Variants in SLC7A11 observed in about 807,000 individuals in gnomAD.
The protein encoded by SLC7A11 is cystine/glutamate transporter.
A neutral mutation model predicts 54.5 loss-of-function variants in SLC7A11; 35 were observed. The ratio of observed to expected loss-of-function variants is 0.64; its 90% CI spans 0.49 to 0.85. The LOEUF is 0.85. SLC7A11 is among the 40% of genes least tolerant of loss of function. The probability of loss-of-function intolerance (pLI) is 0.00; values close to 1 mark genes in which losing one functional copy is unlikely to be tolerated. For synonymous variants in SLC7A11, 230 were observed against 225.2 expected (o/e 1.02, Z -0.19); for missense variants, 583 against 618.1 (o/e 0.94, Z 0.60).
chr4:138,234,343 G>A (rs1477969818), intron 2 of SLC7A11, among the ~76,000 whole-genome samples: 2 of 152,098 alleles, frequency 1.3e-5, no homozygotes, highest in African/African-American at 4.8e-5. Flanking sequence ...ATTTTAATGG[G>A]AAGTACTTAG....
At chr4:138,213,994 A>C (rs955043313) in intron 6 of SLC7A11, among the ~76,000 whole-genome samples, 1 of 151,958 alleles carries the variant, frequency 6.6e-6, no homozygotes, top group African/African-American at 2.4e-5. Context: ...ATTTTTCCCT[A>C]AGTTAGTTCA....
intron 3 of SLC7A11, among the ~76,000 whole-genome samples, chr4:138,226,638 T>C (rs886791930): frequency 1.3e-5 from 2 of 152,112 alleles, no homozygotes; most frequent in Non-Finnish European, 2.9e-5. Flanking sequence ...ACAGTGAAAT[T>C]TATGTCTATG....
chr4:138,200,408 A>T (rs896455468), intron 6 of SLC7A11, among the ~76,000 whole-genome samples: 2 of 152,164 alleles, frequency 1.3e-5, no homozygotes, highest in Non-Finnish European at 2.9e-5. Flanking sequence ...CTCTTTCATT[A>T]TCTATTTGAC....
At chr4:138,175,890 A>T (rs1736559471) in intron 11 of SLC7A11, 1 of 152,172 alleles carries the variant, frequency 6.6e-6, no homozygotes, top group South Asian at 2.1e-4. Context: ...TGATCTACTC[A>T]TGCATTATCA....
In SLC7A11 at chr4:138,181,531, A is replaced by G. The variant is rs571520582; in HGVS notation, c.1117-741T>C. On this transcript the variant is annotated intron_variant, in intron 9 of 11. Transcript: ENST00000280612. ...CATCCAGATTCTGCACAGAGAGTAC[A>G]CATACTTTAAAAAGAAATTTCAAGG... Among the ~76,000 whole-genome samples the G allele has an allele frequency of 2.6e-5, 4 of 152,230 alleles. No individual in the cohort carries two copies. In the South Asian group the frequency reaches 6.2e-4, roughly 24 times the overall value.
intron 1 of SLC7A11, among the ~76,000 whole-genome samples, chr4:138,240,286 A>G (rs1738344179): frequency 6.6e-6 from 1 of 151,978 alleles, no homozygotes; most frequent in South Asian, 2.1e-4. Context: ...GAATTTGAGG[A>G]CCGGGCGCGG....
intron 3 of SLC7A11, among the ~76,000 whole-genome samples, chr4:138,225,037 ATATACT>A (rs913509194): frequency 8.0e-5 from 12 of 150,412 alleles, no homozygotes; most frequent in Admixed American, 4.7e-4. Flanking sequence ...TATACTTGAA[ATATACT>A]TAAATGTTCT....
At position 138,181,081 on chromosome 4, in the gene SLC7A11, A is replaced by G. The variant is rs143288142; in HGVS notation, c.1117-291T>C. On this transcript the variant is annotated intron_variant, in intron 9 of 11. Transcript: ENST00000280612. ...GTTCCTTTTGCATTTGAGAGAAGAT[A>G]GTATGTCTTCAAAGAGTAAAAGAAA... Among the ~76,000 whole-genome samples the G allele has an allele frequency of 3.9e-5, 6 of 152,240 alleles. No homozygotes were observed. The East Asian group carries it at 1.2e-3, about 29-fold the overall frequency.
chr4:138,210,873 G>A (rs561654511), intron 6 of SLC7A11, among the ~76,000 whole-genome samples: 1 of 152,186 alleles, frequency 6.6e-6, no homozygotes, highest in Admixed American at 6.6e-5. Context: ...ACTACTATTT[G>A]ACTCAGCAAT....
Position 138,179,273 on chromosome 4 carries a change from G to A in SLC7A11, c.1388C>T (p.Ala463Val), listed in dbSNP as rs771913516. Reference protein sequence around the residue: ...GFVITLTGVPAYYLFIIWDKK... With the variant: ...GFVITLTGVPVYYLFIIWDKK... ...GTCCCATATAATAAAGAGATAATAC[G>A]CAGGGACTCCAGTCAGAGTGATGAC... Residue 463 changes from alanine to valine, a missense_variant, in exon 11 of 12, where the codon GCG (alanine) becomes GTG (valine). Transcript: ENST00000280612. 35 of 1,612,224 alleles carry A rather than the reference G, an allele frequency of 2.2e-5. No individual in the cohort carries two copies. Among genetic ancestry groups the A allele is most frequent in the Non-Finnish European group, 2.8e-5 (33 of 1,178,756 alleles).
chr4:138,191,732 A>C (rs1737017255), intron 6 of SLC7A11, among the ~76,000 whole-genome samples: 1 of 152,308 alleles, frequency 6.6e-6, no homozygotes, highest in East Asian at 1.9e-4. Context: ...ATGTAGCTTG[A>C]GAGTAAATTT....
At chr4:138,237,733 ATATATTTTTTTTTTTTTTTTTTTTT>A (rs1450895949) in intron 1 of SLC7A11, among the ~76,000 whole-genome samples, 2 of 11,566 alleles carry the variant, frequency 1.7e-4, no homozygotes, top group Admixed American at 1.9e-3. Context: ...ATATATATAT[ATATATTTTTTTTTTTTTTTTTTTTT>A]TTTTTTTTTT....
At chr4:138,189,918 G>T (rs537001963) in intron 6 of SLC7A11, among the ~76,000 whole-genome samples, 3 of 152,152 alleles carry the variant, frequency 2.0e-5, no homozygotes, top group African/African-American at 7.2e-5. Context: ...CAGCCCACAT[G>T]AGTGGTCTGA....
intron 9 of SLC7A11, among the ~76,000 whole-genome samples, chr4:138,181,306 AC>A (rs1736735429): frequency 6.6e-6 from 1 of 151,972 alleles, no homozygotes; most frequent in Non-Finnish European, 1.5e-5. Context: ...CAAAACATTG[AC>A]CTTTTTTCCT....
intron 5 of SLC7A11, among the ~76,000 whole-genome samples, chr4:138,216,514 A>G (rs888042706): frequency 1.1e-4 from 17 of 152,140 alleles, no homozygotes; most frequent in Non-Finnish European, 2.5e-4. Flanking sequence ...TGTTATTAAC[A>G]TTGTTCCGAC....
At chr4:138,220,103 C>T (rs1051672374) in intron 4 of SLC7A11, among the ~76,000 whole-genome samples, 3 of 152,066 alleles carry the variant, frequency 2.0e-5, no homozygotes, top group Non-Finnish European at 4.4e-5. Flanking sequence ...TCATGCCCAA[C>T]TAATTTTCAT....
At chr4:138,189,515 G>A (rs1475182627) in intron 6 of SLC7A11, among the ~76,000 whole-genome samples, 1 of 152,090 alleles carries the variant, frequency 6.6e-6, no homozygotes, top group Non-Finnish European at 1.5e-5. Context: ...TGTCATGGCT[G>A]CTTTGTGCCT....
At position 138,219,384 on chromosome 4, in the gene SLC7A11, G is replaced by C. The variant is rs1481925626; in HGVS notation, c.647-19C>G. 1 of 1,403,828 alleles carries C rather than the reference G, an allele frequency of 7.1e-7. No individual in the cohort carries two copies. 87.0% of individuals were successfully genotyped at this position (1,403,828 alleles called of 1,614,324 possible). A position where few individuals can be genotyped will look rare whatever the true frequency, so the allele number is the denominator to read the frequency against. On this transcript the variant is annotated intron_variant, in intron 4 of 11. Coordinates refer to ENST00000280612, the MANE Select transcript of SLC7A11 (RefSeq NM_014331.4). ...GTTTGACCTGTAATTAGAATAGACT[G>C]ATTTTAGGATTTTTCAAAGAATTGG...
In SLC7A11 at chr4:138,169,011, A is replaced by C. The variant is rs746864355; in HGVS notation, c.*2945T>G. On this transcript the variant is annotated 3_prime_UTR_variant, in exon 12 of 12. Transcript: ENST00000280612. Reference sequence around the variant, plus strand: ...AGCTTTAGAATCTTTTAAAATCACAAGTATTTGAGAATCCATCCCCACAAA... The same window carrying C: ...AGCTTTAGAATCTTTTAAAATCACACGTATTTGAGAATCCATCCCCACAAA... 1.3e-5 allele frequency: 2 copies of C among 152,182 alleles called. No homozygotes were observed. Among genetic ancestry groups the C allele is most frequent in the Non-Finnish European group, 1.5e-5 (1 of 68,028 alleles). 9.4% of individuals were successfully genotyped at this position (152,182 alleles called of 1,614,324 possible).
Sources: allele counts gnomAD v4.1 joint callset (sites outside exome capture counted in the v4.1 genomes callset), GRCh38; gene constraint gnomAD v4.1.1; transcripts MANE v1.5; gene names NCBI Gene and HGNC (gene_info 2026-07-23, HGNC 2026-07-21).